Variants in CNTNAP2 observed in about 807,000 individuals in gnomAD.
CNTNAP2 encodes the protein contactin associated protein 2.
CNTNAP2 carries 98 observed loss-of-function variants against 155.2 expected under a neutral mutation model. The observed-to-expected ratio is 0.63, with a 90% CI of 0.54 to 0.75. CNTNAP2 has a LOEUF of 0.75. Among genes scored for constraint, CNTNAP2 ranks in the 30% least tolerant of loss-of-function variants. CNTNAP2 has a pLI of 0.00. For missense variants in CNTNAP2, 1,727 were observed against 1,688.1 expected (o/e 1.02, Z -0.40); for synonymous variants, 651 against 631.2 (o/e 1.03, Z -0.47).
rs571856959 is a variant in CNTNAP2, at chr7:148,168,380, C to T, written c.2774-3862C>T. ...ATATACACCATGGAATACTACGCAG[C>T]CATAAAAAATGATGATTTCCTGTCC... On this transcript the variant is annotated intron_variant, in intron 17 of 23. Transcript: ENST00000361727. Among the ~76,000 whole-genome samples the T allele has an allele frequency of 1.0e-3, 156 of 152,102 alleles. 2 individuals carry two copies. Among genetic ancestry groups the T allele is most frequent in the Admixed American group, 1.7e-3 (26 of 15,268 alleles).
chr7:148,363,150 T>G (rs1798657855), intron 21 of CNTNAP2, among the ~76,000 whole-genome samples: 1 of 152,138 alleles, frequency 6.6e-6, no homozygotes, highest in South Asian at 2.1e-4. Flanking sequence ...CCTGGCTAAT[T>G]TTGTATTTTT....
intron 13 of CNTNAP2, among the ~76,000 whole-genome samples, chr7:147,803,107 A>G (rs898754951): frequency 6.6e-6 from 1 of 152,204 alleles, no homozygotes; most frequent in Non-Finnish European, 1.5e-5. Context: ...TCACATTCCT[A>G]CAGTTATTTG....
At chr7:146,925,567 A>G (rs1008675514) in intron 3 of CNTNAP2, among the ~76,000 whole-genome samples, 1 of 152,060 alleles carries the variant, frequency 6.6e-6, no homozygotes, top group Non-Finnish European at 1.5e-5. Context: ...TGTTAATTTG[A>G]TCATTAGTGA....
chr7:148,337,245 G>C (rs571643841), intron 21 of CNTNAP2, among the ~76,000 whole-genome samples: 1 of 152,076 alleles, frequency 6.6e-6, no homozygotes, highest in Admixed American at 6.5e-5. Context: ...GTCTGTGAGA[G>C]GCATCGCTCC....
At chr7:147,075,570 A>T (rs1235119552) in intron 4 of CNTNAP2, among the ~76,000 whole-genome samples, 1 of 152,206 alleles carries the variant, frequency 6.6e-6, no homozygotes, top group African/African-American at 2.4e-5. Flanking sequence ...ATAGTATATG[A>T]ATGTATGAAA....
intron 1 of CNTNAP2, among the ~76,000 whole-genome samples, chr7:146,245,311 A>G (rs944861603): frequency 6.6e-6 from 1 of 152,176 alleles, no homozygotes; most frequent in Non-Finnish European, 1.5e-5. Flanking sequence ...GGACTTAACA[A>G]AGAGTGAGTA....
At chr7:147,380,810 C>A (rs753287011) in intron 9 of CNTNAP2, among the ~76,000 whole-genome samples, 4 of 152,136 alleles carry the variant, frequency 2.6e-5, no homozygotes, top group Non-Finnish European at 4.4e-5. Flanking sequence ...TTGTCCCTAT[C>A]ATCTTAATGC....
At chr7:147,824,978 A>G (rs1798424528) in intron 13 of CNTNAP2, among the ~76,000 whole-genome samples, 1 of 152,202 alleles carries the variant, frequency 6.6e-6, no homozygotes, top group African/African-American at 2.4e-5. Flanking sequence ...AATGGAAAGG[A>G]AATGAATTTT....
chr7:147,971,738 T>G lies in CNTNAP2; in HGVS notation c.2256-6124T>G, dbSNP rs149566917. 2.8e-4 allele frequency among the ~76,000 whole-genome samples: 43 copies of G among 152,368 alleles called. No homozygotes were observed. The East Asian group carries it at 6.6e-3, about 23-fold the overall frequency. ...ATTTCCACTTTGGGCCTCTTATGACTAAATCTGCTATAAACATCTACCTAA... is the reference window on the plus strand; with the variant it reads ...ATTTCCACTTTGGGCCTCTTATGACGAAATCTGCTATAAACATCTACCTAA... On this transcript the variant is annotated intron_variant, in intron 14 of 23. Transcript: ENST00000361727.
intron 11 of CNTNAP2, among the ~76,000 whole-genome samples, chr7:147,528,249 G>T (rs1799361611): frequency 6.6e-6 from 1 of 152,204 alleles, no homozygotes; most frequent in South Asian, 2.1e-4. Flanking sequence ...AAAAATACAT[G>T]AAGTTCTATT....
At chr7:147,874,608 G>A (rs187135449) in intron 13 of CNTNAP2, among the ~76,000 whole-genome samples, 2 of 152,328 alleles carry the variant, frequency 1.3e-5, no homozygotes, top group South Asian at 2.1e-4. Context: ...TGATGGGAAG[G>A]GCTGCCATGA....
At chr7:146,980,557 C>T (rs1454156830) in intron 3 of CNTNAP2, among the ~76,000 whole-genome samples, 2 of 152,100 alleles carry the variant, frequency 1.3e-5, no homozygotes, top group Non-Finnish European at 2.9e-5. Context: ...GCAGACTGTA[C>T]AGGAAGTGTG....
chr7:148,084,758 T>C (rs951678308), intron 15 of CNTNAP2, among the ~76,000 whole-genome samples: 6 of 152,206 alleles, frequency 3.9e-5, no homozygotes, highest in Non-Finnish European at 8.8e-5. Flanking sequence ...GGCTGGGAAG[T>C]GCTCTTATTA....
At chr7:147,979,031 C>T (rs1801479114) in intron 15 of CNTNAP2, among the ~76,000 whole-genome samples, 1 of 152,182 alleles carries the variant, frequency 6.6e-6, no homozygotes, top group Non-Finnish European at 1.5e-5. Context: ...ATTAGACCTA[C>T]TTGATAATAA....
intron 14 of CNTNAP2, among the ~76,000 whole-genome samples, chr7:147,923,813 G>A (rs1034479996): frequency 6.6e-6 from 1 of 152,076 alleles, no homozygotes; most frequent in African/African-American, 2.4e-5. Context: ...TTACAGGTAT[G>A]AGCCACCATG....
chr7:147,092,669 A>T lies in CNTNAP2; in HGVS notation c.551-15478A>T, dbSNP rs557677653. ...GGCAATCATCAAATAGCTTTAAAAAATTCTGAGCTTCACCATAGAGGGAAT... is the reference window on the plus strand; with the variant it reads ...GGCAATCATCAAATAGCTTTAAAAATTTCTGAGCTTCACCATAGAGGGAAT... On this transcript the variant is annotated intron_variant, in intron 4 of 23. Coordinates refer to ENST00000361727, the MANE Select transcript of CNTNAP2 (RefSeq NM_014141.6). 5.3e-5 allele frequency among the ~76,000 whole-genome samples: 8 copies of T among 152,336 alleles called. No homozygotes were observed. In the South Asian group the frequency reaches 1.7e-3, roughly 32 times the overall value.
At chr7:148,024,459 G>C (rs1164721654) in intron 15 of CNTNAP2, among the ~76,000 whole-genome samples, 4 of 152,130 alleles carry the variant, frequency 2.6e-5, no homozygotes, top group Non-Finnish European at 4.4e-5. Context: ...TCAGCCTTGG[G>C]GGCTTCCCTC....
chr7:147,514,230 G>C, intron 11 of CNTNAP2, among the ~76,000 whole-genome samples: 1 of 152,016 alleles, frequency 6.6e-6, no homozygotes, highest in East Asian at 1.9e-4. Flanking sequence ...TTATTCAGCT[G>C]TTTAATTAGA....
chr7:146,636,877 T>A (rs1214395160), intron 1 of CNTNAP2, among the ~76,000 whole-genome samples: 1 of 152,214 alleles, frequency 6.6e-6, no homozygotes, highest in Non-Finnish European at 1.5e-5. Flanking sequence ...ACCTTGCTTT[T>A]CAACTGTATT....
Sources: gnomAD v4.1 joint callset for allele counts (sites outside exome capture counted in the v4.1 genomes callset) on GRCh38, gnomAD v4.1.1 for gene constraint, MANE v1.5 for transcripts, NCBI Gene and HGNC (gene_info 2026-07-23, HGNC 2026-07-21) for gene names.